PRRT3: variants seen among roughly 807,000 people sequenced by gnomAD.
PRRT3 encodes the protein proline-rich transmembrane protein 3.
In PRRT3, 48 loss-of-function variants were observed where a neutral mutation model predicts 56.6. The observed-to-expected ratio is 0.85, with a 90% CI of 0.67 to 1.08. The LOEUF (loss-of-function observed/expected upper bound fraction) is 1.08, where lower values mean the gene tolerates loss of function less well. Ranked by LOEUF, PRRT3 falls within the 50% of genes least tolerant of loss-of-function variation. The pLI, the probability that PRRT3 is intolerant of heterozygous loss-of-function variation, is 0.00. For synonymous variants in PRRT3, 641 were observed against 619.1 expected, an observed-to-expected ratio of 1.04 and a Z score of -0.52; for missense variants, 1,370 against 1,353.1, an observed-to-expected ratio of 1.01 and a Z score of -0.20.
chr3:9,947,640 G>A lies in PRRT3; in HGVS notation c.1533C>T (p.Leu511=), dbSNP rs754871387. 1.0e-5 allele frequency: 16 copies of A among 1,576,272 alleles called. No homozygotes were observed. Among genetic ancestry groups the A allele is most frequent in the Non-Finnish European group, 1.3e-5 (15 of 1,161,378 alleles). The stretch of plus-strand genomic sequence containing the variant: ...AGGCGGATCGCAGCGCCGAAGCCAC[G>A]AGCACCAGCACCGCGGCCACCAATG... ...RLALVAAVLV[L]VASALRSAYM... The change falls in exon 4 of 4, where the codon CTC becomes CTT. Residue 511 remains leucine, a synonymous_variant. Coordinates refer to ENST00000412055, the MANE Select transcript of PRRT3 (RefSeq NM_207351.5). The surrounding 1 kb of genome is among the most constrained non-coding windows in gnomAD (Gnocchi z 9.2).
chr3:9,948,053 G>A (rs1288023370), intron 3 of PRRT3, 52 bp from the exon 4 acceptor site: 8 of 1,290,048 alleles, frequency 6.2e-6, no homozygotes, highest in Non-Finnish European at 7.8e-6. Flanking sequence ...TTTTGATTTT[G>A]TATCACCCTC....
At position 9,946,984 on chromosome 3, in the gene PRRT3, G is replaced by T. The variant is rs1222349574; in HGVS notation, c.2189C>A (p.Pro730Gln). The T allele has an allele frequency of 2.6e-6, 4 of 1,543,586 alleles. No individual in the cohort carries two copies. The highest frequency in any genetic ancestry group is 1.4e-5 in the African/African-American group (1 of 73,530). Reference sequence around the variant, plus strand: ...TGCATAGCAGTTATTGGGTCGCTCCGGCACCTCGCTCTTTCCTGACGGCGC... The same window carrying T: ...TGCATAGCAGTTATTGGGTCGCTCCTGCACCTCGCTCTTTCCTGACGGCGC... Reference protein sequence around the residue: ...CPAPSGKSEVPERPNNCYAGP... With the variant: ...CPAPSGKSEVQERPNNCYAGP... The change falls in exon 4 of 4, where the codon CCG becomes CAG. Residue 730 changes from proline to glutamine, a missense_variant. By Grantham distance (76) the Pro-to-Gln change is moderately conservative (BLOSUM62 -1). Coordinates refer to ENST00000412055, the MANE Select transcript of PRRT3 (RefSeq NM_207351.5). The surrounding 1 kb of genome is among the most constrained non-coding windows in gnomAD (Gnocchi z 4.1).
chr3:9,947,564 C>G lies in PRRT3; in HGVS notation c.1609G>C (p.Gly537Arg). ...AAGGGCAGGTTGTAGAGCACCAGGC[C>G]CCCGCGAACGCCCAGCCGCGCCTGC... ...GSQARLGVRG[G>R]LVLYNLPFPL... The change falls in exon 4 of 4, where the codon GGC becomes CGC. Residue 537 changes from glycine (G) to arginine (R), a missense_variant. Transcript: ENST00000412055. The surrounding 1 kb of genome is among the most constrained non-coding windows in gnomAD (Gnocchi z 9.2). 1 of 1,606,502 alleles carries G rather than the reference C, an allele frequency of 6.2e-7. No individual in the cohort carries two copies. Among genetic ancestry groups the G allele is most frequent in the Non-Finnish European group, 8.5e-7 (1 of 1,177,198 alleles).
Position 9,946,282 on chromosome 3 carries a change from G to A in PRRT3, c.2891C>T (p.Pro964Leu), listed in dbSNP as rs776321729. The change falls in exon 4 of 4, where the codon CCG (proline) becomes CTG (leucine). Residue 964 changes from proline (P) to leucine (L), a missense_variant. Coordinates refer to ENST00000412055, the MANE Select transcript of PRRT3 (RefSeq NM_207351.5). This position sits in a 1 kb window ranked among gnomAD's most constrained non-coding sequence, Gnocchi z 4.1. ...RQGDGQGEVQ[P>L]RGKPGESRSA... Reference sequence around the variant, plus strand: ...GCGGGATTCCCCAGGCTTGCCGCGCGGCTGGACCTCTCCCTGGCCGTCCCC... The same window carrying A: ...GCGGGATTCCCCAGGCTTGCCGCGCAGCTGGACCTCTCCCTGGCCGTCCCC... The A allele has an allele frequency of 1.9e-6, 3 of 1,612,716 alleles. No homozygotes were observed. The highest frequency in any genetic ancestry group is 1.3e-5 in the African/African-American group (1 of 75,038).
chr3:9,949,088 C>T lies in PRRT3; in HGVS notation c.1015+13G>A. 10 of 1,586,524 alleles carry T rather than the reference C, an allele frequency of 6.3e-6. No homozygotes were observed. The highest frequency in any genetic ancestry group is 4.5e-5 in the East Asian group (2 of 44,812). ...GCCCCAGAACATCGCTCAGCACACT[C>T]ATTGATACCCACCTGGCTTAGACGG... On this transcript the variant is annotated intron_variant, in intron 2 of 3. Transcript: ENST00000412055. The surrounding 1 kb of genome is among the most constrained non-coding windows in gnomAD (Gnocchi z 4.5).
chr3:9,947,299 A>G lies in PRRT3; in HGVS notation c.1874T>C (p.Leu625Pro). The change falls in exon 4 of 4, where the codon CTG (leucine) becomes CCG (proline). Residue 625 changes from leucine to proline, a missense_variant. By Grantham distance (98) the Leu-to-Pro change is moderately conservative. Coordinates refer to ENST00000412055, the MANE Select transcript of PRRT3 (RefSeq NM_207351.5). This position sits in a 1 kb window ranked among gnomAD's most constrained non-coding sequence, Gnocchi z 9.2. The part of the protein sequence containing the change: ...GTLCLCRRRL[L>P]DGPRGWDASP... ...GGCATCCCAGCCCCGTGGGCCGTCC[A>G]GCAGGCGGCGACGGCACAGGCAGAG... 1 of 1,579,308 alleles carries G rather than the reference A, an allele frequency of 6.3e-7. No individual in the cohort carries two copies. Among genetic ancestry groups the G allele is most frequent in the Non-Finnish European group, 8.6e-7 (1 of 1,166,714 alleles).
intron 2 of PRRT3, 70 bp from the exon 3 acceptor site, chr3:9,948,983 C>T: frequency 6.6e-7 from 1 of 1,518,226 alleles, no homozygotes; most frequent in Non-Finnish European, 8.8e-7. Flanking sequence ...AGGATTGAGT[C>T]ACAATCAACC....
rs1351564676 is a variant in PRRT3, at chr3:9,947,309, G to C, written c.1864C>G (p.Arg622Gly). 3 of 1,592,108 alleles carry C rather than the reference G, an allele frequency of 1.9e-6. No individual in the cohort carries two copies. The highest frequency in any genetic ancestry group is 3.5e-5 in the Admixed American group (2 of 57,794). ...CCCCGTGGGCCGTCCAGCAGGCGGC[G>C]ACGGCACAGGCAGAGCGTGCCCAGA... ...VALGTLCLCR[R>G]RLLDGPRGWD... Residue 622 changes from arginine (R) to glycine (G), a missense_variant, in exon 4 of 4, where the codon CGC becomes GGC. Physicochemically the swap from Arg to Gly is moderately radical, Grantham distance 125 (BLOSUM62 -2). Transcript: ENST00000412055. The surrounding 1 kb of genome is among the most constrained non-coding windows in gnomAD (Gnocchi z 9.2).
rs1310990577 is a variant in PRRT3, at chr3:9,946,443, A to G, written c.2730T>C (p.Gly910=). 2 of 1,585,490 alleles carry G rather than the reference A, an allele frequency of 1.3e-6. No individual in the cohort carries two copies. The highest frequency in any genetic ancestry group is 1.8e-5 in the Admixed American group (1 of 55,476). The change falls in exon 4 of 4, where the codon GGT becomes GGC. Residue 910 remains glycine, a synonymous_variant. Transcript: ENST00000412055. The surrounding 1 kb of genome is among the most constrained non-coding windows in gnomAD (Gnocchi z 4.1). ...SGSSLDSFSR[G]SLKISWNPWR... ...AGGGGTTCCAACTGATCTTGAGTGA[A>G]CCCCTGGAGAAGCTGTCGAGGGAGC... is the stretch of plus-strand genomic sequence containing the variant.
At position 9,948,773 on chromosome 3, in the gene PRRT3, C is replaced by T; in HGVS notation, c.1156G>A (p.Gly386Arg). 2 of 1,613,998 alleles carry T rather than the reference C, an allele frequency of 1.2e-6. No individual in the cohort carries two copies. Among genetic ancestry groups the T allele is most frequent in the South Asian group, 1.1e-5 (1 of 91,088 alleles). ...ATGCTCTCACCTGGCTGCAGGGCCC[C>T]CATGGGGCTCTCTGTTCGGTTTACA... The part of the protein sequence containing the change: ...PAVNRTESPM[G>R]ALQPDEAEEW... Residue 386 changes from glycine (G) to arginine (R), a missense_variant, in exon 3 of 4, where the codon GGG becomes AGG. Coordinates refer to ENST00000412055, the MANE Select transcript of PRRT3 (RefSeq NM_207351.5).
At position 9,946,502 on chromosome 3, in the gene PRRT3, C is replaced by T. The variant is rs1244820824; in HGVS notation, c.2671G>A (p.Ala891Thr). The change falls in exon 4 of 4, where the codon GCA (alanine) becomes ACA (threonine). Residue 891 changes from alanine to threonine, a missense_variant. Coordinates refer to ENST00000412055, the MANE Select transcript of PRRT3 (RefSeq NM_207351.5). This position sits in a 1 kb window ranked among gnomAD's most constrained non-coding sequence, Gnocchi z 4.1. The stretch of plus-strand genomic sequence containing the variant: ...GCCGCAGCGGCTGCCCCGTCGGGTG[C>T]TTCCACTACGTGCTGTGGGACCGGC... ...RGPVPQHVVE[A>T]PDGAAAAASG... 3.3e-6 allele frequency: 5 copies of T among 1,536,524 alleles called. No individual in the cohort carries two copies. The highest frequency in any genetic ancestry group is 2.0e-5 in the Admixed American group (1 of 49,006).
chr3:9,948,679 G>C, intron 3 of PRRT3, 79 bp downstream of exon 3: 9 of 1,500,564 alleles, frequency 6.0e-6, no homozygotes, highest in Non-Finnish European at 8.3e-6. Context: ...CCCACCCTCC[G>C]CCCCCATACA....
chr3:9,947,618 C>A lies in PRRT3; in HGVS notation c.1555G>T (p.Ala519Ser). The change falls in exon 4 of 4, where the codon GCC becomes TCC. Residue 519 changes from alanine (A) to serine (S), a missense_variant. Physicochemically the swap from Ala to Ser is moderately conservative, Grantham distance 99 (BLOSUM62 1). Transcript: ENST00000412055. This position sits in a 1 kb window ranked among gnomAD's most constrained non-coding sequence, Gnocchi z 9.2. ...CCGTAAGGGTCGGTAAGCATGTAGGCGGATCGCAGCGCCGAAGCCACGAGC... is the reference window on the plus strand; with the variant it reads ...CCGTAAGGGTCGGTAAGCATGTAGGAGGATCGCAGCGCCGAAGCCACGAGC... The part of the protein sequence containing the change: ...LVLVASALRS[A>S]YMLTDPYGSQ... 1 of 1,585,846 alleles carries A rather than the reference C, an allele frequency of 6.3e-7. No homozygotes were observed. The highest frequency in any genetic ancestry group is 8.6e-7 in the Non-Finnish European group (1 of 1,165,770).
rs766116640 is a variant in PRRT3 at position 9,946,312 on chromosome 3, C to G, written c.2861G>C (p.Arg954Pro). 6.2e-6 allele frequency: 10 copies of G among 1,612,608 alleles called. No homozygotes were observed. The highest frequency in any genetic ancestry group is 8.5e-6 in the Non-Finnish European group (10 of 1,179,792). The change falls in exon 4 of 4, where the codon CGG becomes CCG. Residue 954 changes from arginine (R) to proline (P), a missense_variant. Coordinates refer to ENST00000412055, the MANE Select transcript of PRRT3 (RefSeq NM_207351.5). The surrounding 1 kb of genome is among the most constrained non-coding windows in gnomAD (Gnocchi z 4.1). ...GACCTCTCCCTGGCCGTCCCCCTGC[C>G]GAGCGGCGGTAGAATCAGGGGCTGG... Reference protein sequence around the residue: ...PTPAPDSTAARQGDGQGEVQP... With the variant: ...PTPAPDSTAAPQGDGQGEVQP...
chr3:9,948,995 C>T, intron 2 of PRRT3, 82 bp from the exon 3 acceptor site: 1 of 1,516,562 alleles, frequency 6.6e-7, no homozygotes, highest in Non-Finnish European at 8.8e-7. Context: ...CAATCAACCT[C>T]ATTTGCCACA....
rs779193349 is a variant in PRRT3, at chr3:9,946,342, G to A, written c.2831C>T (p.Pro944Leu). Reference protein sequence around the residue: ...LPSTVQLLPAPTPAPDSTAAR... With the variant: ...LPSTVQLLPALTPAPDSTAAR... ...GGCGGTAGAATCAGGGGCTGGGGTC[G>A]GGGCAGGCAGTAGCTGTACCGTGCT... is the stretch of plus-strand genomic sequence containing the variant. The change falls in exon 4 of 4, where the codon CCG becomes CTG. Residue 944 changes from proline to leucine, a missense_variant. Physicochemically the swap from Pro to Leu is moderately conservative, Grantham distance 98. Coordinates refer to ENST00000412055, the MANE Select transcript of PRRT3 (RefSeq NM_207351.5). This position sits in a 1 kb window ranked among gnomAD's most constrained non-coding sequence, Gnocchi z 4.1. 211 of 1,611,872 alleles carry A rather than the reference G, an allele frequency of 1.3e-4. No individual in the cohort carries two copies. Among genetic ancestry groups the A allele is most frequent in the Non-Finnish European group, 1.7e-4 (205 of 1,179,434 alleles).
Position 9,949,404 on chromosome 3 carries a change from G to A in PRRT3, c.712C>T (p.Gln238Ter). ...TCCTGCTGGGTGAAGTGGGGACCTTGAGCTGCCTCCTGCAAGTGTTCCTCA... is the reference window on the plus strand; with the variant it reads ...TCCTGCTGGGTGAAGTGGGGACCTTAAGCTGCCTCCTGCAAGTGTTCCTCA... ...GFEEHLQEAA[Q>*]GPHFTQQDPA... The change falls in exon 2 of 4, where the codon CAA becomes TAA. Residue 238 changes from glutamine (Q) to a stop codon, truncating the protein, a stop_gained. Transcript: ENST00000412055. LOFTEE classifies it high-confidence loss of function. This position sits in a 1 kb window ranked among gnomAD's most constrained non-coding sequence, Gnocchi z 4.5. 6.2e-7 allele frequency: 1 copy of A among 1,614,148 alleles called. No individual in the cohort carries two copies. The highest frequency in any genetic ancestry group is 8.5e-7 in the Non-Finnish European group (1 of 1,180,016).
In PRRT3 at chr3:9,949,645, T is replaced by G. The variant is rs763645892; in HGVS notation, c.471A>C (p.Thr157=). The stretch of plus-strand genomic sequence containing the variant: ...CTACCCTGAGTTGACGTCTGGGAGT[T>G]GTGGGGATGAAAGTGAGATGAGGGT... ...VGHPHLTFIP[T]TPRRQLRVAT... The change falls in exon 2 of 4, where the codon ACA becomes ACC. Residue 157 remains threonine, a synonymous_variant. Transcript: ENST00000412055. This position sits in a 1 kb window ranked among gnomAD's most constrained non-coding sequence, Gnocchi z 4.5. 6.2e-7 allele frequency: 1 copy of G among 1,613,918 alleles called. No individual in the cohort carries two copies. The highest frequency in any genetic ancestry group is 1.1e-5 in the South Asian group (1 of 91,048).
chr3:9,947,953 G>A lies in PRRT3; in HGVS notation c.1220C>T (p.Pro407Leu). ...TGACGTCGAGGGGGCCTGGACTGGG[G>A]GTGCTGGGGGATGGCTTTGGGGGCG... The part of the protein sequence containing the change: ...PGRPQSHPPA[P>L]PVQAPSTSRR... The change falls in exon 4 of 4, where the codon CCC becomes CTC. Residue 407 changes from proline to leucine, a missense_variant. Physicochemically the swap from Pro to Leu is moderately conservative, Grantham distance 98. Transcript: ENST00000412055. This position sits in a 1 kb window ranked among gnomAD's most constrained non-coding sequence, Gnocchi z 9.2. The A allele has an allele frequency of 7.2e-7, 1 of 1,384,112 alleles. No individual in the cohort carries two copies. The highest frequency in any genetic ancestry group is 9.3e-7 in the Non-Finnish European group (1 of 1,071,986). The allele number at this position is 1,384,112 out of a possible 1,614,324, so 85.7% of individuals were successfully genotyped here.
Sources: gnomAD v4.1 joint callset for allele counts on GRCh38, gnomAD v4.1.1 for gene constraint, Gnocchi (gnomAD v3.1) non-coding constraint, MANE v1.5 for transcripts, NCBI Gene and HGNC (gene_info 2026-07-23, HGNC 2026-07-21) for gene names.